Variants in HS6ST3 observed in about 807,000 individuals in gnomAD.
The protein encoded by HS6ST3 is heparan-sulfate 6-O-sulfotransferase 3.
HS6ST3 carries 12 observed loss-of-function variants against 36.7 expected under a neutral mutation model. The ratio of observed to expected loss-of-function variants is 0.33; its 90% CI spans 0.21 to 0.53. HS6ST3 has a LOEUF of 0.53. Among genes scored for constraint, HS6ST3 ranks in the 20% least tolerant of loss-of-function variants. HS6ST3 has a pLI of 0.95. For synonymous variants in HS6ST3, 240 were observed against 257.5 expected, an observed-to-expected ratio of 0.93 and a Z score of 0.65; for missense variants, 584 against 640.9, an observed-to-expected ratio of 0.91 and a Z score of 0.96.
At chr13:96,696,710 A>G (rs1875138621) in intron 1 of HS6ST3, among the ~76,000 whole-genome samples, 1 of 152,184 alleles carries the variant, frequency 6.6e-6, no homozygotes, top group Non-Finnish European at 1.5e-5. Flanking sequence ...TTGAGCAAAA[A>G]CATGGAAAAT....
chr13:96,309,211 G>A (rs558671339), intron 1 of HS6ST3, among the ~76,000 whole-genome samples: 2 of 151,982 alleles, frequency 1.3e-5, no homozygotes, highest in African/African-American at 2.4e-5. Context: ...TTCTCACTTA[G>A]CCATACATTT....
At chr13:96,199,602 T>C (rs1186191165) in intron 1 of HS6ST3, among the ~76,000 whole-genome samples, 2 of 152,212 alleles carry the variant, frequency 1.3e-5, no homozygotes, top group Admixed American at 6.5e-5. Flanking sequence ...TTTTGGGGGT[T>C]CTGATTTCTG....
intron 1 of HS6ST3, among the ~76,000 whole-genome samples, chr13:96,746,005 T>TA (rs917436286): frequency 2.2e-4 from 34 of 151,862 alleles, no homozygotes; most frequent in African/African-American, 6.3e-4. Context: ...TGTCTAGTTT[T>TA]AAAAAAAAGG....
intron 1 of HS6ST3, among the ~76,000 whole-genome samples, chr13:96,760,024 G>A (rs1180222362): frequency 6.6e-6 from 1 of 151,866 alleles, no homozygotes; most frequent in Non-Finnish European, 1.5e-5. Flanking sequence ...ATCATTTAAA[G>A]ATTCACCTTG....
At chr13:96,394,032 G>A (rs537211989) in intron 1 of HS6ST3, among the ~76,000 whole-genome samples, 3 of 152,224 alleles carry the variant, frequency 2.0e-5, no homozygotes, top group Admixed American at 2.0e-4. Flanking sequence ...TTTTGATAGG[G>A]TACAATTTTA....
chr13:96,680,341 A>G (rs537111304), intron 1 of HS6ST3, among the ~76,000 whole-genome samples: 6 of 152,264 alleles, frequency 3.9e-5, no homozygotes, highest in Admixed American at 3.9e-4. Flanking sequence ...GCAATTGGAT[A>G]TGTGGAACCT....
chr13:96,311,489 G>A (rs1318411773), intron 1 of HS6ST3, among the ~76,000 whole-genome samples: 1 of 152,082 alleles, frequency 6.6e-6, no homozygotes, highest in Non-Finnish European at 1.5e-5. Context: ...CAAAGCAAAG[G>A]GGCCACCTGT....
intron 1 of HS6ST3, among the ~76,000 whole-genome samples, chr13:96,759,302 A>G (rs1287499454): frequency 2.0e-5 from 3 of 151,758 alleles, no homozygotes; most frequent in African/African-American, 7.2e-5. Context: ...CATAATTATT[A>G]TTTTATCAGG....
chr13:96,480,234 C>G (rs1408283693), intron 1 of HS6ST3, among the ~76,000 whole-genome samples: 1 of 152,142 alleles, frequency 6.6e-6, no homozygotes, highest in African/African-American at 2.4e-5. Context: ...CTGCCTCAGC[C>G]TCCCGAGTGG....
At chr13:96,432,785 A>G (rs1490795576) in intron 1 of HS6ST3, among the ~76,000 whole-genome samples, 1 of 151,824 alleles carries the variant, frequency 6.6e-6, no homozygotes, top group Non-Finnish European at 1.5e-5. Flanking sequence ...ACTTATAATT[A>G]TATCTCTATG....
At chr13:96,751,496 T>G (rs1876699812) in intron 1 of HS6ST3, among the ~76,000 whole-genome samples, 1 of 152,156 alleles carries the variant, frequency 6.6e-6, no homozygotes, top group African/African-American at 2.4e-5. Context: ...TACTTCAGAC[T>G]TCTGGCCTTC....
intron 1 of HS6ST3, among the ~76,000 whole-genome samples, chr13:96,227,414 G>A (rs554418782): frequency 2.0e-5 from 3 of 152,274 alleles, no homozygotes; most frequent in Admixed American, 1.3e-4. Context: ...CAGATGTTAC[G>A]ATGAGGTAAA....
intron 1 of HS6ST3, among the ~76,000 whole-genome samples, chr13:96,246,772 G>A (rs2054586727): frequency 6.6e-6 from 1 of 152,118 alleles, no homozygotes; most frequent in African/African-American, 2.4e-5. Flanking sequence ...AGATCGGATT[G>A]CATAGAACTT....
In HS6ST3 at chr13:96,473,191, G is replaced by C. The variant is rs146537130; in HGVS notation, c.708-359299G>C. 2.4e-3 allele frequency among the ~76,000 whole-genome samples: 364 copies of C among 152,300 alleles called. 1 individual carries two copies. The highest frequency in any genetic ancestry group is 8.3e-3 in the African/African-American group (346 of 41,560). ...TTGCCCTGCCATTGACTGATATGTA[G>C]TTAAAGGCATAGCCTGGAGTACCCC... On this transcript the variant is annotated intron_variant, in intron 1 of 1. Coordinates refer to ENST00000376705, the MANE Select transcript of HS6ST3 (RefSeq NM_153456.4).
intron 1 of HS6ST3, among the ~76,000 whole-genome samples, chr13:96,116,491 C>A (rs934510959): frequency 6.6e-6 from 1 of 152,166 alleles, no homozygotes; most frequent in Non-Finnish European, 1.5e-5. Flanking sequence ...AACAGCATGG[C>A]AGACACCCCC....
chr13:96,118,255 A>G (rs2053903131), intron 1 of HS6ST3, among the ~76,000 whole-genome samples: 2 of 152,100 alleles, frequency 1.3e-5, no homozygotes, highest in African/African-American at 2.4e-5. Flanking sequence ...CTAATTCGAT[A>G]TGACTGGTGT....
intron 1 of HS6ST3, among the ~76,000 whole-genome samples, chr13:96,139,460 A>G (rs1388557578): frequency 6.9e-6 from 1 of 144,962 alleles, no homozygotes; most frequent in Non-Finnish European, 1.5e-5. Flanking sequence ...AAAAAATGGC[A>G]TTTAATGAAT....
At chr13:96,448,649 C>T (rs1348567419) in intron 1 of HS6ST3, among the ~76,000 whole-genome samples, 1 of 152,070 alleles carries the variant, frequency 6.6e-6, no homozygotes, top group Non-Finnish European at 1.5e-5. Flanking sequence ...TTGTCTAATA[C>T]CCCTGCAATT....
At chr13:96,435,163 C>T (rs1192482807) in intron 1 of HS6ST3, among the ~76,000 whole-genome samples, 2 of 152,066 alleles carry the variant, frequency 1.3e-5, no homozygotes, top group African/African-American at 2.4e-5. Context: ...TAAATTTGAC[C>T]AACAGCTCAT....
Sources: allele counts gnomAD v4.1 joint callset (sites outside exome capture counted in the v4.1 genomes callset), GRCh38; gene constraint gnomAD v4.1.1; transcripts MANE v1.5; gene names NCBI Gene and HGNC (gene_info 2026-07-23, HGNC 2026-07-21).